Variants in AGAP5 observed in about 807,000 individuals in gnomAD.
AGAP5 encodes the protein arf-GAP with GTPase, ANK repeat and PH domain-containing protein 5.
AGAP5 carries 8 observed loss-of-function variants against 27.7 expected under a neutral mutation model. The observed-to-expected ratio is 0.29, with a 90% confidence interval of 0.17 to 0.52. The LOEUF is 0.52. Ranked by LOEUF, AGAP5 falls within the 20% of genes least tolerant of loss-of-function variation. The pLI is 0.97. For missense variants in AGAP5, 285 were observed against 880.8 expected, an observed-to-expected ratio of 0.32 and a Z score of 8.56; for synonymous variants, 111 against 338.0, an observed-to-expected ratio of 0.33 and a Z score of 7.37.
At chr10:73,686,601 T>C (rs951485611) in intron 4 of AGAP5, among the ~76,000 whole-genome samples, 1 of 152,152 alleles carries the variant, frequency 6.6e-6, no homozygotes, top group African/African-American at 2.4e-5. Flanking sequence ...CAGCAGAGTA[T>C]ACAGACAACC....
chr10:73,690,410 G>A (rs946938120), intron 4 of AGAP5, among the ~76,000 whole-genome samples: 3 of 152,102 alleles, frequency 2.0e-5, no homozygotes, highest in African/African-American at 7.2e-5. Flanking sequence ...CTTGAAGGCA[G>A]CATGCTCCTT....
chr10:73,692,444 C>T (rs1360013320), intron 3 of AGAP5, among the ~76,000 whole-genome samples: 1 of 152,088 alleles, frequency 6.6e-6, no homozygotes, highest in African/African-American at 2.4e-5. Context: ...ACATAGCTTA[C>T]TTTAATTATC....
chr10:73,696,511 T>C (rs1455462514), intron 2 of AGAP5, among the ~76,000 whole-genome samples: 4 of 152,150 alleles, frequency 2.6e-5, no homozygotes, highest in Admixed American at 2.0e-4. Flanking sequence ...AATCCCCACC[T>C]CTCTTTTAGA....
intron 4 of AGAP5, among the ~76,000 whole-genome samples, chr10:73,686,678 G>A (rs2082066539): frequency 6.6e-6 from 1 of 152,016 alleles, no homozygotes; most frequent in Admixed American, 6.6e-5. Context: ...AATCTATGAG[G>A]AACTCAAACA....
chr10:73,686,459 G>A (rs1463844493), intron 4 of AGAP5, among the ~76,000 whole-genome samples: 1 of 152,160 alleles, frequency 6.6e-6, no homozygotes, highest in Non-Finnish European at 1.5e-5. Context: ...AGTTCTAGAA[G>A]ATAACATTGG....
In AGAP5 at chr10:73,675,401, G is replaced by A. The variant is rs563687055; in HGVS notation, c.1259C>T (p.Thr420Ile). Residue 420 changes from threonine to isoleucine, a missense_variant, in exon 8 of 8, where the codon ACA becomes ATA. By Grantham distance (89) the Thr-to-Ile change is moderately conservative. Coordinates refer to ENST00000374094, the MANE Select transcript of AGAP5 (RefSeq NM_001144000.4). ...ATACGTCGTGGCTTCAAAGTGCCATGTTTGGCCAGTGGCAGACACAATCAT... is the reference window on the plus strand; with the variant it reads ...ATACGTCGTGGCTTCAAAGTGCCATATTTGGCCAGTGGCAGACACAATCAT... ...NFMIVSATGQ[T>I]WHFEATTYEE... 6.2e-7 allele frequency: 1 copy of A among 1,614,128 alleles called. No individual in the cohort carries two copies. The highest frequency in any genetic ancestry group is 2.2e-5 in the East Asian group (1 of 44,882).
intron 4 of AGAP5, among the ~76,000 whole-genome samples, chr10:73,686,754 T>A (rs148475917): frequency 6.6e-6 from 1 of 152,172 alleles, no homozygotes; most frequent in Non-Finnish European, 1.5e-5. Context: ...ATAAAGAAAC[T>A]GTGATATACA....
intron 4 of AGAP5, among the ~76,000 whole-genome samples, chr10:73,687,778 C>T (rs1000837625): frequency 1.3e-5 from 2 of 152,160 alleles, no homozygotes; most frequent in African/African-American, 4.8e-5. Context: ...CCGGAAACCT[C>T]ATTAGTCATA....
chr10:73,697,173 T>C lies in AGAP5; in HGVS notation c.224-10A>G, dbSNP rs2082167834. 6.3e-6 allele frequency: 10 copies of C among 1,595,682 alleles called. No individual in the cohort carries two copies. The highest frequency in any genetic ancestry group is 8.5e-6 in the Non-Finnish European group (10 of 1,179,212). ...AGGCTAAACTCCAAAGCTATATGTA[T>C]AGAGGGAGAAAAGAAAAAAGATGTA... On this transcript the variant is annotated splice_polypyrimidine_tract_variant and intron_variant, in intron 1 of 7. Transcript: ENST00000374094.
intron 4 of AGAP5, among the ~76,000 whole-genome samples, chr10:73,690,241 CTT>C (rs1184309922): frequency 2.6e-5 from 4 of 152,146 alleles, no homozygotes; most frequent in Non-Finnish European, 4.4e-5. Context: ...ACATGGGAGA[CTT>C]TTCATTTTGT....
chr10:73,687,622 G>T (rs1381043056), intron 4 of AGAP5, among the ~76,000 whole-genome samples: 1 of 152,182 alleles, frequency 6.6e-6, no homozygotes, highest in East Asian at 1.9e-4. Context: ...GGAGAAAAGT[G>T]TAATATGCTT....
chr10:73,690,514 T>A (rs2082108317), intron 4 of AGAP5, among the ~76,000 whole-genome samples: 1 of 151,712 alleles, frequency 6.6e-6, no homozygotes, highest in South Asian at 2.1e-4. Flanking sequence ...CAGAGACCTT[T>A]GTTCACTTGT....
chr10:73,697,613 G>A lies in AGAP5; in HGVS notation c.143C>T (p.Ala48Val), dbSNP rs1370979544. The A allele has an allele frequency of 1.2e-6, 2 of 1,610,214 alleles. No individual in the cohort carries two copies. Among genetic ancestry groups the A allele is most frequent in the Non-Finnish European group, 8.5e-7 (1 of 1,179,890 alleles). ...AACGGTCACCTCAGCAGGCTGCACA[G>A]CAGCAGCCATGGGCGCTCCTGCCAT... The part of the protein sequence containing the change: ...DRMAGAPMAA[A>V]VQPAEVTVEV... The change falls in exon 1 of 8, where the codon GCT becomes GTT. Residue 48 changes from alanine to valine, a missense_variant. Physicochemically the swap from Ala to Val is moderately conservative, Grantham distance 64 (BLOSUM62 0). Transcript: ENST00000374094.
At position 73,674,703 on chromosome 10, in the gene AGAP5, G is replaced by A. The variant is rs200494302; in HGVS notation, c.1957C>T (p.Arg653Ter). 2.2e-3 allele frequency: 3,480 copies of A among 1,611,364 alleles called. 69 individuals carry two copies. The East Asian group carries it at 0.045, about 21-fold the overall frequency. The change falls in exon 8 of 8, where the codon CGA becomes TGA. Residue 653 changes from arginine to a stop codon, truncating the protein, a stop_gained. Transcript: ENST00000374094. LOFTEE classifies it high-confidence loss of function. ...AGCGCTGTGTTCCCGTGGGCATCTCGGGCCATGACGTCCACCCCGTACCAG... is the reference window on the plus strand; with the variant it reads ...AGCGCTGTGTTCCCGTGGGCATCTCAGGCCATGACGTCCACCCCGTACCAG... ...LIWYGVDVMA[R>*]DAHGNTALTY...
chr10:73,687,820 A>G (rs1300138451), intron 4 of AGAP5, among the ~76,000 whole-genome samples: 1 of 152,184 alleles, frequency 6.6e-6, no homozygotes, highest in African/African-American at 2.4e-5. Flanking sequence ...CCAGCACAGA[A>G]GGTTGACAGA....
chr10:73,680,836 TA>T (rs1247627688), intron 5 of AGAP5, among the ~76,000 whole-genome samples: 9 of 150,454 alleles, frequency 6.0e-5, no homozygotes, highest in Admixed American at 1.3e-4. Flanking sequence ...TAGCACTTTT[TA>T]AAAAGCCTGT....
rs2082177064 is a variant in AGAP5 at position 73,697,919 on chromosome 10, C to T, written c.-164G>A. On this transcript the variant is annotated 5_prime_UTR_variant, in exon 1 of 8. Transcript: ENST00000374094. ...CCCCGGGCACCATCCCTGGCCCCGG[C>T]CCCGGCCCCGGCTAGGGCTGCGGGT... The T allele has an allele frequency of 2.6e-6, 4 of 1,529,664 alleles. No individual in the cohort carries two copies. Among genetic ancestry groups the T allele is most frequent in the African/African-American group, 1.4e-5 (1 of 73,000 alleles). 94.8% of individuals were successfully genotyped at this position (1,529,664 alleles called of 1,614,324 possible). A position where few individuals can be genotyped will look rare whatever the true frequency, so the allele number is the denominator to read the frequency against.
chr10:73,690,060 G>A (rs2082103709), intron 4 of AGAP5, among the ~76,000 whole-genome samples: 1 of 151,206 alleles, frequency 6.6e-6, no homozygotes, highest in Non-Finnish European at 1.5e-5. Context: ...GCCCCTACTG[G>A]GAAGTGAGGA....
chr10:73,694,163 G>A (rs2082141621), intron 3 of AGAP5, among the ~76,000 whole-genome samples: 1 of 152,122 alleles, frequency 6.6e-6, no homozygotes. Context: ...AGGGAAATAA[G>A]CAGGAGTAGG....
Sources: gnomAD v4.1 joint callset for allele counts (sites outside exome capture counted in the v4.1 genomes callset) on GRCh38, gnomAD v4.1.1 for gene constraint, MANE v1.5 for transcripts, NCBI Gene and HGNC (gene_info 2026-07-23, HGNC 2026-07-21) for gene names.